Variants in NXPH1 observed in about 807,000 individuals in gnomAD.
NXPH1 encodes neurexophilin 1, also known as neurexophilin-1.
In NXPH1, 5 loss-of-function variants were observed where a neutral mutation model predicts 23.7. That is an observed-to-expected ratio of 0.21 (90% CI 0.11 to 0.44). The LOEUF (loss-of-function observed/expected upper bound fraction) is 0.44, where lower values mean the gene tolerates loss of function less well. Ranked by LOEUF, NXPH1 falls within the 20% of genes least tolerant of loss-of-function variation. NXPH1 has a pLI of 0.99. For synonymous variants in NXPH1, 144 were observed against 122.2 expected (o/e 1.18, Z -1.18); for missense variants, 324 against 321.6 (o/e 1.01, Z -0.06).
intron 2 of NXPH1, among the ~76,000 whole-genome samples, chr7:8,704,069 T>C (rs1049104812): frequency 6.6e-6 from 1 of 152,170 alleles, no homozygotes; most frequent in Non-Finnish European, 1.5e-5. Flanking sequence ...GGAGGAGATA[T>C]GTAATGATAT....
intron 2 of NXPH1, among the ~76,000 whole-genome samples, chr7:8,528,834 C>A (rs907255372): frequency 6.6e-6 from 1 of 152,200 alleles, no homozygotes; most frequent in Admixed American, 6.5e-5. Flanking sequence ...TTCTATTGCT[C>A]TAATAACAAA....
At chr7:8,656,287 C>T (rs970527) in intron 2 of NXPH1, among the ~76,000 whole-genome samples, 107,943 of 152,080 alleles carry the variant, frequency 0.71, 39,006 homozygotes, top group East Asian at 1. Flanking sequence ...AGTAGGTTCT[C>T]TGTAATATTT....
chr7:8,617,388 AG>A (rs1583196017), intron 2 of NXPH1, among the ~76,000 whole-genome samples: 1 of 152,248 alleles, frequency 6.6e-6, no homozygotes, highest in East Asian at 1.9e-4. Flanking sequence ...ACAATAGCTA[AG>A]ATTTGGATGC....
intron 2 of NXPH1, among the ~76,000 whole-genome samples, chr7:8,499,632 C>G (rs1817397919): frequency 6.6e-6 from 1 of 152,076 alleles, no homozygotes; most frequent in Non-Finnish European, 1.5e-5. Context: ...CACAGAAATG[C>G]TCCCAAATTC....
chr7:8,697,731 C>T (rs543545395), intron 2 of NXPH1, among the ~76,000 whole-genome samples: 34 of 152,202 alleles, frequency 2.2e-4, no homozygotes, highest in African/African-American at 8.2e-4. Flanking sequence ...GTGAAGAAGT[C>T]AGGTAGGATA....
chr7:8,654,200 T>G (rs1326468843), intron 2 of NXPH1, among the ~76,000 whole-genome samples: 4 of 152,196 alleles, frequency 2.6e-5, no homozygotes, highest in Non-Finnish European at 5.9e-5. Context: ...TGAAACTTTT[T>G]TTTTTTGTAA....
chr7:8,535,731 G>T (rs56099020), intron 2 of NXPH1, among the ~76,000 whole-genome samples: 2,024 of 151,922 alleles, frequency 0.013, 34 homozygotes, highest in African/African-American at 0.044. Flanking sequence ...TTAGATAAGG[G>T]ATCAGGCAAA....
chr7:8,684,243 A>C (rs1821106030), intron 2 of NXPH1, among the ~76,000 whole-genome samples: 1 of 152,160 alleles, frequency 6.6e-6, no homozygotes, highest in Admixed American at 6.5e-5. Flanking sequence ...CCTGCCCGTG[A>C]GGCACCTTTG....
chr7:8,702,124 T>A (rs911737961), intron 2 of NXPH1, among the ~76,000 whole-genome samples: 14 of 152,074 alleles, frequency 9.2e-5, no homozygotes, highest in Non-Finnish European at 1.9e-4. Context: ...ATTATTTCTA[T>A]AGGCAATAGT....
chr7:8,671,657 A>G (rs116692873), intron 2 of NXPH1, among the ~76,000 whole-genome samples: 2,696 of 152,252 alleles, frequency 0.018, 80 homozygotes, highest in African/African-American at 0.061. Context: ...TATGTTTTAG[A>G]TAAGTTTGGT....
At chr7:8,551,607 G>A (rs1818276641) in intron 2 of NXPH1, among the ~76,000 whole-genome samples, 1 of 151,376 alleles carries the variant, frequency 6.6e-6, no homozygotes, top group African/African-American at 2.4e-5. Context: ...CAATTTTGAG[G>A]AAATTATCCT....
chr7:8,491,360 T>C (rs1462050035), intron 2 of NXPH1, among the ~76,000 whole-genome samples: 1 of 151,948 alleles, frequency 6.6e-6, no homozygotes, highest in Admixed American at 6.6e-5. Context: ...TGAAAAAGGG[T>C]AAAGAGTTGT....
intron 2 of NXPH1, among the ~76,000 whole-genome samples, chr7:8,701,488 CT>C (rs1288394885): frequency 6.6e-6 from 1 of 152,064 alleles, no homozygotes; most frequent in Non-Finnish European, 1.5e-5. Context: ...ATGTTGATTT[CT>C]TTCAAGATTC....
At chr7:8,629,336 G>A (rs1012761352) in intron 2 of NXPH1, among the ~76,000 whole-genome samples, 1 of 152,072 alleles carries the variant, frequency 6.6e-6, no homozygotes, top group African/African-American at 2.4e-5. Context: ...GGTTAGTTTA[G>A]CTGTGAAAAA....
Position 8,751,922 on chromosome 7 carries a change from C to A in NXPH1, c.*153C>A. ...GCAAAATACACTAGTGGAAAACACT[C>A]TGATGTAATTTCTGCCCAGTCAGCT... On this transcript the variant is annotated 3_prime_UTR_variant, in exon 3 of 3. Coordinates refer to ENST00000405863, the MANE Select transcript of NXPH1 (RefSeq NM_152745.3). This position sits in a 1 kb window ranked among gnomAD's most constrained non-coding sequence, Gnocchi z 4.5. 1 of 680,456 alleles carries A rather than the reference C, an allele frequency of 1.5e-6. No homozygotes were observed. Among genetic ancestry groups the A allele is most frequent in the Non-Finnish European group, 2.4e-6 (1 of 417,130 alleles). The allele number at this position is 680,456 out of a possible 1,614,324, so 42.2% of individuals were successfully genotyped here.
chr7:8,454,530 G>C (rs766719164), intron 2 of NXPH1, among the ~76,000 whole-genome samples: 3 of 152,106 alleles, frequency 2.0e-5, no homozygotes, highest in Non-Finnish European at 4.4e-5. Context: ...GGAAGTGTCA[G>C]AATTAGGGCC....
At chr7:8,686,153 A>T (rs943676845) in intron 2 of NXPH1, among the ~76,000 whole-genome samples, 2 of 152,200 alleles carry the variant, frequency 1.3e-5, no homozygotes, top group Admixed American at 1.3e-4. Flanking sequence ...TTGATAAAAT[A>T]TTCTAAAGCT....
chr7:8,540,195 C>T (rs1563340074), intron 2 of NXPH1, among the ~76,000 whole-genome samples: 1 of 151,680 alleles, frequency 6.6e-6, no homozygotes, highest in Admixed American at 6.6e-5. Context: ...TAAGTTACTA[C>T]CCACCTTGGA....
chr7:8,702,108 GAATT>G (rs1779634012), intron 2 of NXPH1, among the ~76,000 whole-genome samples: 1 of 150,640 alleles, frequency 6.6e-6, no homozygotes, highest in Non-Finnish European at 1.5e-5. Flanking sequence ...TTTAATCAAT[GAATT>G]AATTATTTCT....
Sources: gnomAD v4.1 joint callset for allele counts (sites outside exome capture counted in the v4.1 genomes callset) on GRCh38, gnomAD v4.1.1 for gene constraint, Gnocchi (gnomAD v3.1) non-coding constraint, MANE v1.5 for transcripts, NCBI Gene and HGNC (gene_info 2026-07-23, HGNC 2026-07-21) for gene names.